NRXN1: variants seen among roughly 807,000 people sequenced by gnomAD.
NRXN1 encodes neurexin-1.
A neutral mutation model predicts 150.9 loss-of-function variants in NRXN1; 39 were observed. The ratio of observed to expected loss-of-function variants is 0.26; its 90% CI spans 0.20 to 0.34. The LOEUF (loss-of-function observed/expected upper bound fraction) is 0.34, where lower values mean the gene tolerates loss of function less well. Ranked by LOEUF, NRXN1 falls within the 10% of genes least tolerant of loss-of-function variation. The probability of loss-of-function intolerance (pLI) is 1.00; values close to 1 mark genes in which losing one functional copy is unlikely to be tolerated. For missense variants in NRXN1, 1,815 were observed against 1,949.9 expected, an observed-to-expected ratio of 0.93 and a Z score of 1.30; for synonymous variants, 924 against 757.0, an observed-to-expected ratio of 1.22 and a Z score of -3.62.
At chr2:50,158,307 G>A (rs1558996029) in intron 18 of NRXN1, among the ~76,000 whole-genome samples, 1 of 151,428 alleles carries the variant, frequency 6.6e-6, no homozygotes, top group Non-Finnish European at 1.5e-5. Context: ...ATATTCTCCA[G>A]CTTCAATCCA....
chr2:50,611,501 T>C (rs1211517666), intron 8 of NRXN1, among the ~76,000 whole-genome samples: 1 of 152,176 alleles, frequency 6.6e-6, no homozygotes, highest in Admixed American at 6.6e-5. Flanking sequence ...CCTGAGCAGA[T>C]GGGACTCCCT....
chr2:50,431,226 T>C (rs562237387), intron 17 of NRXN1, among the ~76,000 whole-genome samples: 77 of 152,260 alleles, frequency 5.1e-4, no homozygotes, highest in African/African-American at 1.8e-3. Context: ...TTTTCCCAGT[T>C]CCCTCCACTA....
chr2:50,187,119 A>G (rs2061128053), intron 18 of NRXN1, among the ~76,000 whole-genome samples: 1 of 152,030 alleles, frequency 6.6e-6, no homozygotes, highest in African/African-American at 2.4e-5. Flanking sequence ...AGACAAACAA[A>G]CCAATAAAGA....
rs568344987 is a variant in NRXN1, at chr2:50,560,469, C to A, written c.1321-7444G>T. Among the ~76,000 whole-genome samples, 22 of 99,486 alleles carry A rather than the reference C, an allele frequency of 2.2e-4. No homozygotes were observed. The East Asian group carries it at 0.011, about 48-fold the overall frequency. The allele number at this position is 99,486 out of a possible 152,430, so 65.3% of individuals were successfully genotyped here. A position where few individuals can be genotyped will look rare whatever the true frequency, so the allele number is the denominator to read the frequency against. On this transcript the variant is annotated intron_variant, in intron 8 of 22. Coordinates refer to ENST00000401669, the MANE Select transcript of NRXN1 (RefSeq NM_001330078.2). The stretch of plus-strand genomic sequence containing the variant: ...ATTTATTTATTTACTTAGAAGCCGT[C>A]TCACTCCGTCGCCCAGGCTGGAGTG...
chr2:50,775,832 T>C (rs1703557354), intron 5 of NRXN1, among the ~76,000 whole-genome samples: 1 of 152,118 alleles, frequency 6.6e-6, no homozygotes, highest in African/African-American at 2.4e-5. Context: ...GTCAACTTTT[T>C]TATGTAAATG....
intron 5 of NRXN1, among the ~76,000 whole-genome samples, chr2:50,779,424 T>C (rs1316502765): frequency 6.6e-6 from 1 of 152,182 alleles, no homozygotes; most frequent in Admixed American, 6.5e-5. Context: ...CTACCACTGA[T>C]GGGCATTTGG....
intron 18 of NRXN1, among the ~76,000 whole-genome samples, chr2:50,214,102 T>G (rs1233299635): frequency 6.6e-6 from 1 of 152,000 alleles, no homozygotes; most frequent in Non-Finnish European, 1.5e-5. Context: ...ATTTGATACT[T>G]CATTCTAGCT....
chr2:50,754,814 A>C (rs2105348366), intron 5 of NRXN1, among the ~76,000 whole-genome samples: 1 of 152,086 alleles, frequency 6.6e-6, no homozygotes, highest in East Asian at 1.9e-4. Flanking sequence ...ATGCTCATTA[A>C]AAAGTATTAC....
intron 18 of NRXN1, among the ~76,000 whole-genome samples, chr2:50,116,284 A>T (rs1703058101): frequency 6.6e-6 from 1 of 152,102 alleles, no homozygotes; most frequent in Non-Finnish European, 1.5e-5. Flanking sequence ...GGGAAAACTC[A>T]CTAAAGTTAA....
chr2:50,922,195 C>G (rs1429353588), intron 4 of NRXN1, among the ~76,000 whole-genome samples: 1 of 151,832 alleles, frequency 6.6e-6, no homozygotes. Context: ...GAACACTATA[C>G]TCAGCATTCT....
chr2:50,638,263 ATAT>A (rs754330064), intron 5 of NRXN1, among the ~76,000 whole-genome samples: 5 of 152,064 alleles, frequency 3.3e-5, no homozygotes, highest in Non-Finnish European at 5.9e-5. Flanking sequence ...TCTTGCTAAC[ATAT>A]TATTATTTTT....
chr2:50,263,226 A>G (rs2068492925), intron 17 of NRXN1, among the ~76,000 whole-genome samples: 1 of 151,882 alleles, frequency 6.6e-6, no homozygotes, highest in African/African-American at 2.4e-5. Context: ...GTTCAGTGTC[A>G]TAAAGTTGGT....
chr2:50,475,531 T>C (rs2089918581), intron 15 of NRXN1, among the ~76,000 whole-genome samples: 1 of 152,290 alleles, frequency 6.6e-6, no homozygotes, highest in Non-Finnish European at 1.5e-5. Context: ...GACAACATTG[T>C]AAAGCTTATT....
intron 8 of NRXN1, among the ~76,000 whole-genome samples, chr2:50,614,917 G>T (rs979011975): frequency 6.6e-6 from 1 of 152,030 alleles, no homozygotes; most frequent in Non-Finnish European, 1.5e-5. Context: ...CAGTGTTGAT[G>T]CTGGTACACT....
At chr2:50,506,157 T>C (rs1002173870) in intron 13 of NRXN1, among the ~76,000 whole-genome samples, 1 of 151,990 alleles carries the variant, frequency 6.6e-6, no homozygotes, top group Non-Finnish European at 1.5e-5. Flanking sequence ...CCAAAATATA[T>C]ACAAAACAAA....
chr2:51,028,301 T>A lies in NRXN1; in HGVS notation c.-28A>T. ...TCGGGGCTGGGGTGCGGCGGGGGGG[T>A]GCCGGGGCCGACAGGGTCAAAATGG... On this transcript the variant is annotated 5_prime_UTR_variant, in exon 2 of 23. Coordinates refer to ENST00000401669, the MANE Select transcript of NRXN1 (RefSeq NM_001330078.2). 3.6e-6 allele frequency: 5 copies of A among 1,400,482 alleles called. No homozygotes were observed. Among genetic ancestry groups the A allele is most frequent in the Non-Finnish European group, 4.7e-6 (5 of 1,074,972 alleles). 86.8% of individuals were successfully genotyped at this position (1,400,482 alleles called of 1,614,324 possible).
chr2:50,517,681 T>G (rs577505893), intron 12 of NRXN1, among the ~76,000 whole-genome samples: 1 of 152,098 alleles, frequency 6.6e-6, no homozygotes, highest in South Asian at 2.1e-4. Flanking sequence ...TACAGCCTAG[T>G]GGAACAAAAT....
chr2:50,901,415 T>C (rs1246315260), intron 5 of NRXN1, among the ~76,000 whole-genome samples: 3 of 152,120 alleles, frequency 2.0e-5, no homozygotes, highest in East Asian at 3.9e-4. Context: ...GAGGCACCTG[T>C]AGTCCCAGCT....
chr2:50,793,766 A>G (rs1706400087), intron 5 of NRXN1, among the ~76,000 whole-genome samples: 1 of 152,094 alleles, frequency 6.6e-6, no homozygotes, highest in African/African-American at 2.4e-5. Flanking sequence ...TGGACAAAAT[A>G]GAAACAGGAA....
Sources: allele counts gnomAD v4.1 joint callset (sites outside exome capture counted in the v4.1 genomes callset), GRCh38; gene constraint gnomAD v4.1.1; transcripts MANE v1.5; gene names NCBI Gene and HGNC (gene_info 2026-07-23, HGNC 2026-07-21).